MYO16: variants seen among roughly 807,000 people sequenced by gnomAD.
MYO16 encodes the protein unconventional myosin-XVI.
In MYO16, 94 loss-of-function variants were observed where a neutral mutation model predicts 205.3. The observed-to-expected ratio is 0.46, with a 90% CI of 0.39 to 0.54. MYO16 has a LOEUF of 0.54. Among genes scored for constraint, MYO16 ranks in the 20% least tolerant of loss-of-function variants. The pLI, the probability that MYO16 is intolerant of heterozygous loss-of-function variation, is 0.00. For synonymous variants in MYO16, 988 were observed against 954.0 expected (o/e 1.04, Z -0.66); for missense variants, 2,315 against 2,387.5 (o/e 0.97, Z 0.63).
chr13:108,500,541 G>T, the MYO16 span, among the ~76,000 whole-genome samples: 1 of 151,948 alleles, frequency 6.6e-6, no homozygotes, highest in Non-Finnish European at 1.5e-5. Flanking sequence ...ATTACTGTTC[G>T]TTGGTTTATT....
chr13:108,910,494 G>A (rs911749497), intron 16 of MYO16, among the ~76,000 whole-genome samples: 1 of 152,212 alleles, frequency 6.6e-6, no homozygotes, highest in Non-Finnish European at 1.5e-5. Context: ...TGTTATTTGA[G>A]TAAGTATGAT....
At chr13:108,947,333 G>A (rs1404147423) in intron 16 of MYO16, among the ~76,000 whole-genome samples, 1 of 152,108 alleles carries the variant, frequency 6.6e-6, no homozygotes, top group Non-Finnish European at 1.5e-5. Flanking sequence ...CTGTGTGCAT[G>A]CGCGCTGCCC....
chr13:109,007,294 A>G (rs1885423058), intron 21 of MYO16, among the ~76,000 whole-genome samples: 3 of 152,084 alleles, frequency 2.0e-5, no homozygotes, highest in South Asian at 2.1e-4. Flanking sequence ...AGGCTGAGGC[A>G]GGATAATGGT....
intron 4 of MYO16, among the ~76,000 whole-genome samples, chr13:108,736,095 G>A (rs1277897386): frequency 6.6e-6 from 1 of 152,070 alleles, no homozygotes; most frequent in Non-Finnish European, 1.5e-5. Context: ...TCTGTAGGTT[G>A]CCCGTTCACT....
In MYO16 at chr13:108,998,280, AG is replaced by A. The variant is rs146718547; in HGVS notation, c.2442+5833del. ...TTGTAAGTGCATGGTAGCAGTACCT[AG>A]TAGGATTCATTTTTCTGGCTTAGTT... On this transcript the variant is annotated intron_variant, in intron 21 of 34. Transcript: ENST00000457511. Among the ~76,000 whole-genome samples the A allele has an allele frequency of 4.0e-3, 616 of 152,292 alleles. 5 individuals are homozygous for A. The highest frequency in any genetic ancestry group is 0.014 in the African/African-American group (582 of 41,566).
intron 1 of MYO16, among the ~76,000 whole-genome samples, chr13:108,644,933 A>G (rs1880685545): frequency 6.6e-6 from 1 of 152,220 alleles, no homozygotes; most frequent in Non-Finnish European, 1.5e-5. Context: ...TAAGTAGGAT[A>G]ATACCAGCAG....
chr13:108,952,151 AAAT>A (rs1883179891), intron 16 of MYO16, among the ~76,000 whole-genome samples: 2 of 144,164 alleles, frequency 1.4e-5, no homozygotes, highest in Admixed American at 1.4e-4. Flanking sequence ...ATAAATAAAT[AAAT>A]AAATAAAACG....
At chr13:108,838,276 G>A (rs911697325) in intron 9 of MYO16, among the ~76,000 whole-genome samples, 19 of 152,110 alleles carry the variant, frequency 1.2e-4, no homozygotes, top group African/African-American at 4.6e-4. Context: ...AATACATGCA[G>A]CGTGTTTAGA....
intron 1 of MYO16, among the ~76,000 whole-genome samples, chr13:108,613,196 A>AT (rs1196188883): frequency 6.6e-6 from 1 of 152,146 alleles, no homozygotes; most frequent in Non-Finnish European, 1.5e-5. Context: ...TGATTTCAGC[A>AT]TTTTCTGAAT....
chr13:108,697,369 A>G (rs1220247617), intron 2 of MYO16, among the ~76,000 whole-genome samples: 1 of 152,168 alleles, frequency 6.6e-6, no homozygotes, highest in Non-Finnish European at 1.5e-5. Context: ...GAAGTTGGCT[A>G]AAGTCCTATC....
At chr13:108,897,993 T>C in intron 14 of MYO16, 23 bp from the exon 15 acceptor site, 1 of 1,541,676 alleles carries the variant, frequency 6.5e-7, no homozygotes, top group Non-Finnish European at 9.0e-7. Context: ...AGCAGTTCAG[T>C]AAAATGTTCT....
intron 24 of MYO16, chr13:109,048,243 T>A: frequency 1.6e-6 from 1 of 625,154 alleles, no homozygotes; most frequent in Non-Finnish European, 2.9e-6. Context: ...CTTATCTTAA[T>A]AGAGTCCCTG....
upstream of MYO16, among the ~76,000 whole-genome samples, chr13:108,626,155 T>C (rs1458371120): frequency 1.3e-5 from 2 of 152,106 alleles, no homozygotes; most frequent in Non-Finnish European, 2.9e-5. Context: ...AATGCTAACA[T>C]TTAAGAGAAA....
rs1411131436 is a variant in MYO16 at position 108,902,067 on chromosome 13, A to C, written c.1777+3934A>C. Among the ~76,000 whole-genome samples the C allele has an allele frequency of 2.0e-5, 3 of 152,260 alleles. No homozygotes were observed. In the East Asian group the frequency reaches 5.8e-4, roughly 29 times the overall value. On this transcript the variant is annotated intron_variant, in intron 15 of 34. Coordinates refer to ENST00000457511, the MANE Select transcript of MYO16 (RefSeq NM_001198950.3). ...GAAAAAGAAATAACTCAAGAGAAAT[A>C]GGACAAATTTGTTCAAGTATCCCTT...
the MYO16 span, among the ~76,000 whole-genome samples, chr13:108,542,852 C>G: frequency 6.6e-6 from 1 of 151,640 alleles, no homozygotes; most frequent in Admixed American, 6.6e-5. Context: ...TTTAAATAAA[C>G]CATGTTCATT....
chr13:108,599,541 A>C (rs917317253), intron 1 of MYO16, among the ~76,000 whole-genome samples: 1 of 152,200 alleles, frequency 6.6e-6, no homozygotes, highest in African/African-American at 2.4e-5. Context: ...AGTATCAGTC[A>C]TAGGTCACAG....
intron 2 of MYO16, among the ~76,000 whole-genome samples, chr13:108,667,143 A>T (rs1881768246): frequency 6.6e-6 from 1 of 152,210 alleles, no homozygotes; most frequent in African/African-American, 2.4e-5. Flanking sequence ...AATAAATTCA[A>T]TAACATATGT....
chr13:108,909,343 C>T (rs964824682), intron 15 of MYO16, among the ~76,000 whole-genome samples: 8 of 137,238 alleles, frequency 5.8e-5, no homozygotes, highest in Admixed American at 7.9e-5. Context: ...GTCCTATTAC[C>T]GCACATGTGT....
At chr13:108,508,610 G>A in the MYO16 span, among the ~76,000 whole-genome samples, 63 of 152,210 alleles carry the variant, frequency 4.1e-4, 1 homozygote, top group Non-Finnish European at 8.2e-4. Context: ...AACATTGGAT[G>A]CATTTTTTCC....
Sources: gnomAD v4.1 joint callset for allele counts (sites outside exome capture counted in the v4.1 genomes callset) on GRCh38, gnomAD v4.1.1 for gene constraint, MANE v1.5 for transcripts, NCBI Gene and HGNC (gene_info 2026-07-23, HGNC 2026-07-21) for gene names.